The following CIT variants were observed in gnomAD, a reference collection of about 807,000 sequenced individuals.
CIT encodes the protein citron Rho-interacting kinase.
CIT carries 79 observed loss-of-function variants against 272.7 expected under a neutral mutation model. That is an observed-to-expected ratio of 0.29 (90% CI 0.24 to 0.35). CIT has a LOEUF of 0.35. Ranked by LOEUF, CIT falls within the 10% of genes least tolerant of loss-of-function variation. The pLI is 1.00. For synonymous variants in CIT, 948 were observed against 995.6 expected (o/e 0.95, Z 0.90); for missense variants, 1,909 against 2,618.3 (o/e 0.73, Z 5.91).
rs1956314422 is a variant in CIT, at chr12:119,697,824, G to A, written c.5717C>T (p.Ala1906Val). Reference protein sequence around the residue: ...ARSSAGTPARAYLDIPNPRYL... With the variant: ...ARSSAGTPARVYLDIPNPRYL... ...GCGCGGGTTCGGGATGTCCAGGTAC[G>A]CTCGGGCAGGGGTCCTGCAGAGTCC... Residue 1906 changes from alanine to valine, a missense_variant, in exon 46 of 48, where the codon GCG becomes GTG. By Grantham distance (64) the Ala-to-Val change is moderately conservative. Transcript: ENST00000392521. The surrounding 1 kb of genome is among the most constrained non-coding windows in gnomAD (Gnocchi z 4.9). The A allele has an allele frequency of 1.2e-6, 2 of 1,614,092 alleles. No homozygotes were observed. Among genetic ancestry groups the A allele is most frequent in the South Asian group, 1.1e-5 (1 of 91,084 alleles).
Position 119,768,369 on chromosome 12 carries a change from C to T in CIT, c.2209-1187G>A, listed in dbSNP as rs1962706252. On this transcript the variant is annotated intron_variant, in intron 18 of 47. Transcript: ENST00000392521. This position sits in a 1 kb window ranked among gnomAD's most constrained non-coding sequence, Gnocchi z 4.3. ...ATATTAATTCTTATGAATCTGGACC[C>T]ATCAGTTAATTACTAATATCAAGTC... is the stretch of plus-strand genomic sequence containing the variant. Among the ~76,000 whole-genome samples the T allele has an allele frequency of 6.6e-6, 1 of 152,184 alleles. No individual in the cohort carries two copies. Among genetic ancestry groups the T allele is most frequent in the South Asian group, 2.1e-4 (1 of 4,822 alleles).
chr12:119,848,058 G>C (rs1331946610), intron 5 of CIT, among the ~76,000 whole-genome samples: 1 of 152,156 alleles, frequency 6.6e-6, no homozygotes, highest in Admixed American at 6.5e-5. Context: ...GAAGGTGAGG[G>C]TTCCATGCCC....
intron 3 of CIT, among the ~76,000 whole-genome samples, chr12:119,862,247 G>C (rs1360263211): frequency 6.6e-6 from 1 of 152,056 alleles, no homozygotes; most frequent in Non-Finnish European, 1.5e-5. Context: ...CACCCACCTC[G>C]GGCTCCCAAA....
intron 30 of CIT, among the ~76,000 whole-genome samples, chr12:119,720,092 G>C (rs1957748721): frequency 6.6e-6 from 1 of 151,434 alleles, no homozygotes; most frequent in Non-Finnish European, 1.5e-5. Flanking sequence ...CGAGAGACCT[G>C]AACTGCTGAA....
intron 24 of CIT, among the ~76,000 whole-genome samples, chr12:119,737,475 A>G (rs930372444): frequency 2.0e-5 from 3 of 152,176 alleles, no homozygotes; most frequent in Admixed American, 6.5e-5. Context: ...GATTCACGAA[A>G]AAAATGCAAT....
rs35132196 is a variant in CIT at position 119,776,370 on chromosome 12, C to T, written c.1875G>A (p.Ala625=). 4.3e-5 allele frequency: 69 copies of T among 1,613,094 alleles called. No individual in the cohort carries two copies. The Middle Eastern group carries it at 1.5e-3, about 35-fold the overall frequency. The change falls in exon 15 of 48, where the codon GCG becomes GCA. Residue 625 remains alanine, a synonymous_variant. Coordinates refer to ENST00000392521, the MANE Select transcript of CIT (RefSeq NM_001206999.2). ...DQGKPEVGEY[A]KLEKINAEQQ... ...ATGGAAAGTATACCTTCTCCAGTTT[C>T]GCATATTCTCCCACTTCAGGCTTCC...
intron 28 of CIT, among the ~76,000 whole-genome samples, chr12:119,722,718 G>A (rs926483769): frequency 6.6e-6 from 1 of 152,168 alleles, no homozygotes; most frequent in East Asian, 1.9e-4. Context: ...ATACTAGCTT[G>A]CCTCATTGGA....
At chr12:119,740,084 C>T (rs1349140797) in intron 24 of CIT, among the ~76,000 whole-genome samples, 1 of 152,118 alleles carries the variant, frequency 6.6e-6, no homozygotes, top group South Asian at 2.1e-4. Context: ...ACTAAGTTAC[C>T]CAGCTCCTCT....
rs555540511 is a variant in CIT at position 119,872,782 on chromosome 12, A to G, written c.96+3291T>C. 2.0e-5 allele frequency among the ~76,000 whole-genome samples: 3 copies of G among 152,104 alleles called. No homozygotes were observed. In the South Asian group the frequency reaches 6.2e-4, roughly 32 times the overall value. On this transcript the variant is annotated intron_variant, in intron 2 of 47. Transcript: ENST00000392521. Reference sequence around the variant, plus strand: ...GCCTTACCTACCTCCATATCTGTCTATATCTGTTGCCTCCTATTTATGTAT... The same window carrying G: ...GCCTTACCTACCTCCATATCTGTCTGTATCTGTTGCCTCCTATTTATGTAT...
chr12:119,797,347 C>A (rs1431385373), intron 10 of CIT, among the ~76,000 whole-genome samples: 3 of 152,110 alleles, frequency 2.0e-5, no homozygotes, highest in African/African-American at 7.2e-5. Flanking sequence ...AAGGCAGGCA[C>A]GCACAGTCTA....
intron 16 of CIT, among the ~76,000 whole-genome samples, chr12:119,773,707 C>T (rs1963434745): frequency 6.6e-6 from 1 of 152,196 alleles, no homozygotes; most frequent in African/African-American, 2.4e-5. Flanking sequence ...GGATTACAGG[C>T]GTGAGCCACC....
At chr12:119,743,230 TA>T (rs371168551) in intron 23 of CIT, among the ~76,000 whole-genome samples, 1,691 of 143,128 alleles carry the variant, frequency 0.012, 28 homozygotes, top group African/African-American at 0.034. Flanking sequence ...GGGACCAGTT[TA>T]AAAAAAAAAA....
At chr12:119,850,862 T>C (rs1004019656) in intron 4 of CIT, among the ~76,000 whole-genome samples, 4 of 152,062 alleles carry the variant, frequency 2.6e-5, no homozygotes, top group Middle Eastern at 6.8e-3. Context: ...AAGGAAGACA[T>C]CCACGTGAAA....
intron 2 of CIT, among the ~76,000 whole-genome samples, chr12:119,874,490 C>T (rs1252854261): frequency 6.6e-6 from 1 of 152,122 alleles, no homozygotes; most frequent in African/African-American, 2.4e-5. Flanking sequence ...CTTACGAATA[C>T]ATAAATCAAA....
At chr12:119,700,462 A>C (rs1037102974) in intron 44 of CIT, among the ~76,000 whole-genome samples, 5 of 152,088 alleles carry the variant, frequency 3.3e-5, no homozygotes, top group Non-Finnish European at 7.4e-5. Context: ...AGCTCACTGC[A>C]ACCTCCGCCT....
Position 119,770,702 on chromosome 12 carries a change from C to T in CIT, c.2208+83G>A, listed in dbSNP as rs1032121663. ...CTTGGAGATACCTCCCTTATTGTGG[C>T]GGTTAATTCTTCTTCTTACCCCCTT... On this transcript the variant is annotated intron_variant, in intron 18 of 47. Transcript: ENST00000392521. The surrounding 1 kb of genome is among the most constrained non-coding windows in gnomAD (Gnocchi z 4.4). 38 of 1,498,726 alleles carry T rather than the reference C, an allele frequency of 2.5e-5. No homozygotes were observed. Among genetic ancestry groups the T allele is most frequent in the Non-Finnish European group, 7.3e-6 (8 of 1,089,058 alleles). 92.8% of individuals were successfully genotyped at this position (1,498,726 alleles called of 1,614,324 possible).
rs1239838215 is a variant in CIT, at chr12:119,772,931, G to T, written c.1942-21C>A. ...ACAGCCTAGGAAGAGAGAAGGAAAA[G>T]GAGATAGGTGGGCAAATTTATTCAT... On this transcript the variant is annotated intron_variant, in intron 16 of 47. Transcript: ENST00000392521. 3.7e-6 allele frequency: 6 copies of T among 1,600,818 alleles called. No individual in the cohort carries two copies. The African/African-American group carries it at 4.1e-5, about 11-fold the overall frequency.
chr12:119,783,694 C>T (rs1964511663), intron 12 of CIT: 2 of 492,514 alleles, frequency 4.1e-6, no homozygotes, highest in Non-Finnish European at 3.5e-6. Context: ...TCTACCTGCA[C>T]TTTCTGCTGG....
intron 6 of CIT, among the ~76,000 whole-genome samples, chr12:119,833,861 C>T (rs566994915): frequency 2.6e-5 from 4 of 152,232 alleles, no homozygotes; most frequent in Admixed American, 2.6e-4. Flanking sequence ...TACTAGCAAA[C>T]TTGAGCACAT....
Sources: gnomAD v4.1 joint callset for allele counts (sites outside exome capture counted in the v4.1 genomes callset) on GRCh38, gnomAD v4.1.1 for gene constraint, Gnocchi (gnomAD v3.1) non-coding constraint, MANE v1.5 for transcripts, NCBI Gene and HGNC (gene_info 2026-07-23, HGNC 2026-07-21) for gene names.